Variants in ARHGEF28 observed in about 807,000 individuals in gnomAD.
The protein encoded by ARHGEF28 is 190 kDa guanine nucleotide exchange factor.
In ARHGEF28, 152 loss-of-function variants were observed where a neutral mutation model predicts 206.6. The ratio of observed to expected loss-of-function variants is 0.74; its 90% CI spans 0.64 to 0.84. ARHGEF28 has a LOEUF of 0.84. ARHGEF28 is among the 40% of genes least tolerant of loss of function. The pLI is 0.00. For missense variants in ARHGEF28, 2,028 were observed against 2,073.2 expected (o/e 0.98, Z 0.42); for synonymous variants, 763 against 776.4 (o/e 0.98, Z 0.29).
chr5:73,674,340 G>A (rs1391934052), intron 1 of ARHGEF28, among the ~76,000 whole-genome samples: 5 of 152,216 alleles, frequency 3.3e-5, no homozygotes, highest in Non-Finnish European at 7.3e-5. Flanking sequence ...AGGCTACAGA[G>A]AACATGGGAT....
chr5:73,835,629 G>GT (rs1757582675), intron 10 of ARHGEF28, among the ~76,000 whole-genome samples: 1 of 152,142 alleles, frequency 6.6e-6, no homozygotes, highest in African/African-American at 2.4e-5. Context: ...ACTGTTCTCT[G>GT]TATCTTTTGT....
chr5:73,914,641 C>T (rs1426144854), intron 35 of ARHGEF28, among the ~76,000 whole-genome samples: 1 of 152,154 alleles, frequency 6.6e-6, no homozygotes, highest in Non-Finnish European at 1.5e-5. Context: ...AAGTAATCCA[C>T]TGGCCTTGGC....
In ARHGEF28 at chr5:73,794,280, C is replaced by T; in HGVS notation, c.911-122C>T. On this transcript the variant is annotated intron_variant, in intron 7 of 35. Coordinates refer to ENST00000513042, the MANE Select transcript of ARHGEF28 (RefSeq NM_001177693.2). ...AGAGCTGATTTTTAAGAGGCCTAAT[C>T]TAAAAACCTATCTCTGTGCAGAAGG... 4 of 728,406 alleles carry T rather than the reference C, an allele frequency of 5.5e-6. No individual in the cohort carries two copies. In the South Asian group the frequency reaches 5.8e-5, roughly 11 times the overall value. 45.1% of individuals were successfully genotyped at this position (728,406 alleles called of 1,614,324 possible).
At chr5:73,783,363 T>TGTGC (rs1359818493) in intron 7 of ARHGEF28, among the ~76,000 whole-genome samples, 12 of 124,512 alleles carry the variant, frequency 9.6e-5, no homozygotes, top group Non-Finnish European at 2.3e-4. Flanking sequence ...TGTGTGTGTG[T>TGTGC]GTGTGTGTGT....
At chr5:73,672,022 A>G (rs1425166146) in intron 1 of ARHGEF28, among the ~76,000 whole-genome samples, 1 of 151,646 alleles carries the variant, frequency 6.6e-6, no homozygotes, top group African/African-American at 2.4e-5. Flanking sequence ...CTCCCAAAGA[A>G]CTTGATAATA....
At position 73,637,128 on chromosome 5, in the gene ARHGEF28, A is replaced by C. The variant is rs187386367; in HGVS notation, c.-12+10806A>C. Among the ~76,000 whole-genome samples, 808 of 152,332 alleles carry C rather than the reference A, an allele frequency of 5.3e-3. 9 individuals are homozygous for C. Among genetic ancestry groups the C allele is most frequent in the African/African-American group, 0.018 (729 of 41,576 alleles). ...TTAATTGAATTTTAGGATGAATGAA[A>C]ATGGGTATTAATTTCATTTTAACAT... On this transcript the variant is annotated intron_variant, in intron 1 of 35. Transcript: ENST00000513042.
chr5:73,869,292 C>T (rs1759926931), intron 20 of ARHGEF28, among the ~76,000 whole-genome samples: 2 of 151,778 alleles, frequency 1.3e-5, no homozygotes, highest in South Asian at 4.2e-4. Context: ...AATCTGCACT[C>T]ATTTGTGACT....
intron 35 of ARHGEF28, among the ~76,000 whole-genome samples, chr5:73,926,648 G>A (rs1281870542): frequency 6.6e-6 from 1 of 152,150 alleles, no homozygotes; most frequent in Non-Finnish European, 1.5e-5. Context: ...TCTTTCTGTG[G>A]ACACCCTGGG....
intron 2 of ARHGEF28, among the ~76,000 whole-genome samples, chr5:73,735,692 A>G (rs1220464219): frequency 6.6e-6 from 1 of 151,876 alleles, no homozygotes; most frequent in Non-Finnish European, 1.5e-5. Context: ...TGATTGTGTT[A>G]CTCCCCTGCT....
intron 1 of ARHGEF28, among the ~76,000 whole-genome samples, chr5:73,637,340 A>G (rs1339009645): frequency 6.6e-6 from 1 of 152,136 alleles, no homozygotes; most frequent in Non-Finnish European, 1.5e-5. Flanking sequence ...CAAGAAACTT[A>G]GGGATTTTCC....
intron 18 of ARHGEF28, 149 bp downstream of exon 18, chr5:73,866,162 A>C (rs1044708673): frequency 1.3e-6 from 1 of 779,192 alleles, no homozygotes; most frequent in African/African-American, 1.8e-5. Flanking sequence ...TAGTTCTATA[A>C]AGTCGTCAAG....
chr5:73,850,603 G>C (rs889211018), intron 13 of ARHGEF28, among the ~76,000 whole-genome samples: 3 of 152,076 alleles, frequency 2.0e-5, no homozygotes, highest in Non-Finnish European at 4.4e-5. Context: ...TTATGGCTTT[G>C]CCTTTAGATC....
At chr5:73,884,261 C>A (rs1323841639) in intron 24 of ARHGEF28, among the ~76,000 whole-genome samples, 1 of 152,168 alleles carries the variant, frequency 6.6e-6, no homozygotes, top group Non-Finnish European at 1.5e-5. Context: ...CTCTCCCAAG[C>A]AATCTGTTAT....
chr5:73,703,864 C>T (rs1187417485), intron 2 of ARHGEF28, among the ~76,000 whole-genome samples: 3 of 151,762 alleles, frequency 2.0e-5, no homozygotes, highest in East Asian at 1.9e-4. Context: ...GGTGAAACCC[C>T]GTCTCTACTA....
intron 9 of ARHGEF28, among the ~76,000 whole-genome samples, chr5:73,806,399 CATATATAG>C (rs1554065491): frequency 5.9e-5 from 7 of 119,154 alleles, no homozygotes; most frequent in African/African-American, 1.0e-4. Context: ...GATATATATA[CATATATAG>C]ATATATAGAT....
At chr5:73,931,641 A>T (rs1040238832) in intron 35 of ARHGEF28, among the ~76,000 whole-genome samples, 3 of 152,172 alleles carry the variant, frequency 2.0e-5, no homozygotes, top group African/African-American at 7.2e-5. Context: ...AATTTTCAAG[A>T]TATTTTTCCT....
At chr5:73,926,688 C>T (rs925434423) in intron 35 of ARHGEF28, among the ~76,000 whole-genome samples, 3 of 152,208 alleles carry the variant, frequency 2.0e-5, no homozygotes, top group Non-Finnish European at 2.9e-5. Context: ...CATGTGCTTT[C>T]TCCTCTCTGA....
At position 73,857,798 on chromosome 5, in the gene ARHGEF28, T is replaced by A; in HGVS notation, c.1914+19T>A. On this transcript the variant is annotated intron_variant, in intron 15 of 35. Coordinates refer to ENST00000513042, the MANE Select transcript of ARHGEF28 (RefSeq NM_001177693.2). ...ATCAAAGGTAATTAAAGTGATTCAC[T>A]TATTTTCTATAAAATATAGACATTT... 1 of 1,602,852 alleles carries A rather than the reference T, an allele frequency of 6.2e-7. No individual in the cohort carries two copies.
At chr5:73,847,667 A>T (rs1758447995) in intron 12 of ARHGEF28, among the ~76,000 whole-genome samples, 1 of 152,232 alleles carries the variant, frequency 6.6e-6, no homozygotes. Flanking sequence ...GCTCATTTTT[A>T]GGAAGAATCT....
Sources: gnomAD v4.1 joint callset for allele counts (sites outside exome capture counted in the v4.1 genomes callset) on GRCh38, gnomAD v4.1.1 for gene constraint, MANE v1.5 for transcripts, NCBI Gene and HGNC (gene_info 2026-07-23, HGNC 2026-07-21) for gene names.